Variants in SLC16A10 observed in about 807,000 individuals in gnomAD.
The protein encoded by SLC16A10 is monocarboxylate transporter 10.
A neutral mutation model predicts 40.0 loss-of-function variants in SLC16A10; 27 were observed. That is an observed-to-expected ratio of 0.67 (90% confidence interval 0.50 to 0.93). The LOEUF is 0.93. Ranked by LOEUF, SLC16A10 falls within the 40% of genes least tolerant of loss-of-function variation. The probability of loss-of-function intolerance (pLI) is 0.00; values close to 1 mark genes in which losing one functional copy is unlikely to be tolerated. For synonymous variants in SLC16A10, 213 were observed against 249.8 expected (o/e 0.85, Z 1.39); for missense variants, 529 against 658.2 (o/e 0.80, Z 2.15).
chr6:111,100,992 C>CTCTCTATATA (rs1410556945), intron 1 of SLC16A10, among the ~76,000 whole-genome samples: 2 of 66,426 alleles, frequency 3.0e-5, no homozygotes, highest in African/African-American at 1.3e-4. Context: ...CTCTCTCTCT[C>CTCTCTATATA]TATATATATA....
chr6:111,177,439 T>G lies in SLC16A10; in HGVS notation c.716T>G (p.Ile239Ser). ...GLFYTLRVLC[I>S]FMFVLFLAGF... is the part of the protein sequence containing the mutation. The stretch of plus-strand genomic sequence containing the variant: ...TTTTACACATTGAGGGTGCTCTGCA[T>G]CTTCATGTTTGTTCTCTTTCTGGCT... Residue 239 changes from isoleucine to serine, a missense_variant, in exon 3 of 6, where the codon ATC (isoleucine) becomes AGC (serine). Physicochemically the swap from Ile to Ser is moderately radical, Grantham distance 142. Coordinates refer to ENST00000368851, the MANE Select transcript of SLC16A10 (RefSeq NM_018593.5). 6.2e-7 allele frequency: 1 copy of G among 1,614,132 alleles called. No homozygotes were observed. The highest frequency in any genetic ancestry group is 8.5e-7 in the Non-Finnish European group (1 of 1,180,020).
At chr6:111,204,904 A>T (rs1471286668) in intron 3 of SLC16A10, among the ~76,000 whole-genome samples, 3 of 152,054 alleles carry the variant, frequency 2.0e-5, no homozygotes, top group African/African-American at 4.8e-5. Flanking sequence ...TATTTCGCTG[A>T]GCCCTTAGAC....
At chr6:111,184,841 T>A (rs183685532) in intron 3 of SLC16A10, among the ~76,000 whole-genome samples, 1 of 152,166 alleles carries the variant, frequency 6.6e-6, no homozygotes, top group Non-Finnish European at 1.5e-5. Context: ...ACAGGGAGCA[T>A]GTAAACCTCG....
At chr6:111,143,175 G>A (rs1287397876) in intron 1 of SLC16A10, among the ~76,000 whole-genome samples, 1 of 152,112 alleles carries the variant, frequency 6.6e-6, no homozygotes, top group East Asian at 1.9e-4. Context: ...GACCTCCTGG[G>A]CTTGAGCTCT....
At chr6:111,189,912 A>C (rs948268482) in intron 3 of SLC16A10, among the ~76,000 whole-genome samples, 1 of 152,122 alleles carries the variant, frequency 6.6e-6, no homozygotes, top group Non-Finnish European at 1.5e-5. Context: ...GCTCCTCCCA[A>C]ATTTCATGTC....
intron 3 of SLC16A10, among the ~76,000 whole-genome samples, chr6:111,195,387 A>C (rs1264736629): frequency 6.6e-6 from 1 of 152,154 alleles, no homozygotes; most frequent in Non-Finnish European, 1.5e-5. Flanking sequence ...GGAAATGAGG[A>C]GTTATTTAAT....
At chr6:111,141,092 A>G (rs1325331496) in intron 1 of SLC16A10, among the ~76,000 whole-genome samples, 1 of 152,188 alleles carries the variant, frequency 6.6e-6, no homozygotes, top group Non-Finnish European at 1.5e-5. Flanking sequence ...TACCCACCCA[A>G]CATAATTCAA....
chr6:111,147,904 T>C (rs1369416083), intron 1 of SLC16A10, among the ~76,000 whole-genome samples: 3 of 152,208 alleles, frequency 2.0e-5, no homozygotes, highest in Admixed American at 2.0e-4. Flanking sequence ...GAGTGTGTGT[T>C]TGTGATTGGC....
At chr6:111,190,214 A>G (rs923816495) in intron 3 of SLC16A10, among the ~76,000 whole-genome samples, 2 of 152,254 alleles carry the variant, frequency 1.3e-5, no homozygotes, top group African/African-American at 4.8e-5. Context: ...TTAAAGTTCC[A>G]AAACGATCTT....
At chr6:111,217,311 AAGT>A (rs755191220) in intron 4 of SLC16A10, among the ~76,000 whole-genome samples, 13 of 152,362 alleles carry the variant, frequency 8.5e-5, no homozygotes, top group Admixed American at 2.0e-4. Flanking sequence ...AATCAATCTA[AAGT>A]GCTTACAACA....
At chr6:111,129,006 T>A (rs1018050915) in intron 1 of SLC16A10, among the ~76,000 whole-genome samples, 52 of 152,244 alleles carry the variant, frequency 3.4e-4, no homozygotes, top group Non-Finnish European at 6.0e-4. Context: ...TCATATTTTT[T>A]CATTTTTATA....
intron 1 of SLC16A10, among the ~76,000 whole-genome samples, chr6:111,122,549 G>GTACA (rs1771602059): frequency 6.6e-6 from 1 of 152,184 alleles, no homozygotes; most frequent in Admixed American, 6.5e-5. Context: ...GATCCTTGAG[G>GTACA]TACAGTTCAT....
intron 1 of SLC16A10, among the ~76,000 whole-genome samples, chr6:111,129,847 C>T (rs1771749575): frequency 6.6e-6 from 1 of 152,166 alleles, no homozygotes; most frequent in African/African-American, 2.4e-5. Context: ...CTGATAGAGA[C>T]AATTGTTTCT....
chr6:111,172,930 A>G (rs1772613509), intron 2 of SLC16A10, 91 bp downstream of exon 2: 4 of 1,467,602 alleles, frequency 2.7e-6, no homozygotes, highest in Non-Finnish European at 3.7e-6. Context: ...ACAAGCAAAG[A>G]TCCTCCTTTT....
intron 1 of SLC16A10, among the ~76,000 whole-genome samples, chr6:111,153,265 T>C (rs1282336037): frequency 6.6e-6 from 1 of 152,230 alleles, no homozygotes; most frequent in Non-Finnish European, 1.5e-5. Flanking sequence ...CCAGGCGTGG[T>C]GGCTCATGCC....
chr6:111,135,708 A>G (rs1771866080), intron 1 of SLC16A10, among the ~76,000 whole-genome samples: 1 of 152,228 alleles, frequency 6.6e-6, no homozygotes. Context: ...TTGGCCAGGC[A>G]TTAGCCCAAG....
chr6:111,099,092 A>G (rs1345259421), intron 1 of SLC16A10, among the ~76,000 whole-genome samples: 2 of 152,206 alleles, frequency 1.3e-5, no homozygotes, highest in East Asian at 3.8e-4. Flanking sequence ...GTTCAAAACA[A>G]ATGTTTAATA....
chr6:111,117,182 C>G (rs1211915821), intron 1 of SLC16A10, among the ~76,000 whole-genome samples: 3 of 151,820 alleles, frequency 2.0e-5, no homozygotes, highest in Non-Finnish European at 2.9e-5. Flanking sequence ...AACCCCGTCT[C>G]TACTAGAAAT....
intron 3 of SLC16A10, among the ~76,000 whole-genome samples, chr6:111,197,517 TC>T (rs1185863632): frequency 6.6e-6 from 1 of 152,246 alleles, no homozygotes; most frequent in African/African-American, 2.4e-5. Context: ...TCAAGTTACC[TC>T]AGATCCCAGT....
Sources: gnomAD v4.1 joint callset for allele counts (sites outside exome capture counted in the v4.1 genomes callset) on GRCh38, gnomAD v4.1.1 for gene constraint, MANE v1.5 for transcripts, NCBI Gene and HGNC (gene_info 2026-07-23, HGNC 2026-07-21) for gene names.